ADAM12: variants seen among roughly 807,000 people sequenced by gnomAD.
The protein encoded by ADAM12 is ADAM metallopeptidase domain 12, also known as disintegrin and metalloproteinase domain-containing protein 12.
In ADAM12, 70 loss-of-function variants were observed where a neutral mutation model predicts 106.4. That is an observed-to-expected ratio of 0.66 (90% CI 0.54 to 0.80). The LOEUF is 0.80. Among genes scored for constraint, ADAM12 ranks in the 30% least tolerant of loss-of-function variants. The pLI, the probability that ADAM12 is intolerant of heterozygous loss-of-function variation, is 0.00. For missense variants in ADAM12, 1,010 were observed against 1,171.9 expected (o/e 0.86, Z 2.02); for synonymous variants, 420 against 433.5 (o/e 0.97, Z 0.39).
chr10:126,311,872 T>C (rs1453400301), intron 2 of ADAM12, among the ~76,000 whole-genome samples: 1 of 152,054 alleles, frequency 6.6e-6, no homozygotes, highest in Admixed American at 6.5e-5. Flanking sequence ...CAAGACTAAG[T>C]AAATAAGTGA....
intron 1 of ADAM12, among the ~76,000 whole-genome samples, chr10:126,374,077 A>G (rs1202752494): frequency 6.6e-6 from 1 of 152,236 alleles, no homozygotes; most frequent in African/African-American, 2.4e-5. Context: ...AGATCTGGTG[A>G]GGGTTAGGGA....
At position 126,032,884 on chromosome 10, in the gene ADAM12, T is replaced by G. The variant is rs139500654; in HGVS notation, c.2529+3262A>C. On this transcript the variant is annotated intron_variant, in intron 21 of 22. Coordinates refer to ENST00000448723, the MANE Select transcript of ADAM12 (RefSeq NM_001288973.2). ...GAAATTATATATGGACTTTCACTAA[T>G]AATGAAATGGGAGTGGACTTTGCAA... 1.9e-3 allele frequency among the ~76,000 whole-genome samples: 291 copies of G among 152,254 alleles called. 1 individual carries two copies. The highest frequency in any genetic ancestry group is 6.8e-3 in the Middle Eastern group (2 of 294).
intron 3 of ADAM12, among the ~76,000 whole-genome samples, chr10:126,217,059 A>G (rs1958000541): frequency 6.6e-6 from 1 of 152,236 alleles, no homozygotes; most frequent in South Asian, 2.1e-4. Context: ...GTCAGCAAAC[A>G]AATCCTGGTA....
At chr10:126,162,395 G>A (rs1451617222) in intron 3 of ADAM12, among the ~76,000 whole-genome samples, 1 of 152,206 alleles carries the variant, frequency 6.6e-6, no homozygotes, top group East Asian at 1.9e-4. Context: ...AACGCGCAGA[G>A]GGGAGGGGAA....
intron 11 of ADAM12, among the ~76,000 whole-genome samples, chr10:126,082,893 AC>A (rs1365216018): frequency 6.6e-6 from 1 of 152,184 alleles, no homozygotes; most frequent in East Asian, 1.9e-4. Context: ...CAAGCTGCTG[AC>A]CAAAAATTCT....
chr10:126,116,464 G>A (rs1955984978), intron 6 of ADAM12, among the ~76,000 whole-genome samples: 1 of 152,060 alleles, frequency 6.6e-6, no homozygotes, highest in African/African-American at 2.4e-5. Flanking sequence ...ACTAAGACAG[G>A]TTGCGGGGAG....
At chr10:126,157,251 G>A (rs1956836502) in intron 3 of ADAM12, among the ~76,000 whole-genome samples, 1 of 152,240 alleles carries the variant, frequency 6.6e-6, no homozygotes, top group Non-Finnish European at 1.5e-5. Context: ...CTCAGGCAGG[G>A]ACAAAAGGCA....
rs113958644 is a variant in ADAM12, at chr10:126,245,131, C to T, written c.260+33784G>A. Among the ~76,000 whole-genome samples the T allele has an allele frequency of 6.2e-3, 943 of 152,314 alleles. 13 individuals carry two copies. The highest frequency in any genetic ancestry group is 9.2e-3 in the Non-Finnish European group (625 of 68,028). ...CACCAGGACATCCCCTCGCCAGCCTCGGGGAACCCTCAAGGGAGAGTGAGC... is the reference window on the plus strand; with the variant it reads ...CACCAGGACATCCCCTCGCCAGCCTTGGGGAACCCTCAAGGGAGAGTGAGC... On this transcript the variant is annotated intron_variant, in intron 3 of 22. Coordinates refer to ENST00000448723, the MANE Select transcript of ADAM12 (RefSeq NM_001288973.2).
Position 126,258,410 on chromosome 10 carries a change from C to T in ADAM12, c.260+20505G>A, listed in dbSNP as rs1000890548. On this transcript the variant is annotated intron_variant, in intron 3 of 22. Transcript: ENST00000448723. ...CCGTGCCCCACACGCCCCACCCGTG[C>T]CCCACACGCCCCACCAGTGTAATGG... 6.2e-4 allele frequency among the ~76,000 whole-genome samples: 79 copies of T among 126,622 alleles called. 1 individual carries two copies. Among genetic ancestry groups the T allele is most frequent in the Non-Finnish European group, 3.2e-4 (18 of 56,450 alleles). 83.1% of individuals were successfully genotyped at this position (126,622 alleles called of 152,430 possible). A position where few individuals can be genotyped will look rare whatever the true frequency, so the allele number is the denominator to read the frequency against.
intron 3 of ADAM12, among the ~76,000 whole-genome samples, chr10:126,227,137 CATT>C (rs1022134726): frequency 1.3e-5 from 2 of 152,118 alleles, no homozygotes; most frequent in Non-Finnish European, 2.9e-5. Context: ...CCATCACCAT[CATT>C]ATCACCATTG....
intron 3 of ADAM12, among the ~76,000 whole-genome samples, chr10:126,267,369 T>A (rs1036393555): frequency 1.3e-5 from 2 of 152,168 alleles, no homozygotes; most frequent in South Asian, 2.1e-4. Flanking sequence ...TGTACTTTAT[T>A]TCTATTATTA....
chr10:126,109,819 C>A lies in ADAM12; in HGVS notation c.625G>T (p.Ala209Ser). The change falls in exon 7 of 23, where the codon GCA (alanine) becomes TCA (serine). Residue 209 changes from alanine (A) to serine (S), a missense_variant. Coordinates refer to ENST00000448723, the MANE Select transcript of ADAM12 (RefSeq NM_001288973.2). ...ATCACCAGCTCCACATACTTAGTTG[C>A]CTTGAGGGTCTCTCTTTTATGCTGC... ...ARRHKRETLK[A>S]TKYVELVIVA... is the part of the protein sequence containing the mutation. 1 of 1,612,840 alleles carries A rather than the reference C, an allele frequency of 6.2e-7. No homozygotes were observed. The highest frequency in any genetic ancestry group is 1.1e-5 in the South Asian group (1 of 90,940).
rs115807221 is a variant in ADAM12 at position 126,153,335 on chromosome 10, T to A, written c.339+1892A>T. Among the ~76,000 whole-genome samples, 906 of 152,326 alleles carry A rather than the reference T, an allele frequency of 5.9e-3. 8 individuals carry two copies. The highest frequency in any genetic ancestry group is 0.021 in the African/African-American group (862 of 41,556). On this transcript the variant is annotated intron_variant, in intron 4 of 22. Transcript: ENST00000448723. ...TGCCTCAAGTGGTTTTAAGAGTTCA[T>A]CCTTGGTGTTCTGCATTTTCATCAG... is the stretch of plus-strand genomic sequence containing the variant.
chr10:126,156,890 T>C (rs2133727771), intron 3 of ADAM12, among the ~76,000 whole-genome samples: 1 of 152,288 alleles, frequency 6.6e-6, no homozygotes, highest in Non-Finnish European at 1.5e-5. Flanking sequence ...GAACCTGGGT[T>C]TTCTGTGTCT....
chr10:126,224,468 A>G (rs1958153728), intron 3 of ADAM12, among the ~76,000 whole-genome samples: 1 of 151,664 alleles, frequency 6.6e-6, no homozygotes, highest in South Asian at 2.1e-4. Flanking sequence ...CAGGAGAGGG[A>G]GAAACAAGCA....
At chr10:126,255,345 C>G (rs1020424127) in intron 3 of ADAM12, among the ~76,000 whole-genome samples, 19 of 152,126 alleles carry the variant, frequency 1.2e-4, no homozygotes, top group African/African-American at 4.6e-4. Context: ...CAAAAAGAAG[C>G]CTCAGGTGTG....
At chr10:126,360,376 C>G (rs895808046) in intron 1 of ADAM12, among the ~76,000 whole-genome samples, 44 of 152,160 alleles carry the variant, frequency 2.9e-4, no homozygotes, top group Non-Finnish European at 1.0e-4. Flanking sequence ...AACTTTTATG[C>G]TCTACTTCCC....
In ADAM12 at chr10:126,375,261, A is replaced by AAAAG. The variant is rs200148877; in HGVS notation, c.88+12793_88+12796dup. 5.3e-5 allele frequency among the ~76,000 whole-genome samples: 8 copies of AAAAG among 152,020 alleles called. No individual in the cohort carries two copies. The South Asian group carries it at 6.2e-4, about 12-fold the overall frequency. Reference sequence around the variant, plus strand: ...GCAAGAAGCCATGGTTAAAAAAAAAAAAAGAAAGAAAGAAAGAAAAAGAAA... The same window carrying AAAAG: ...GCAAGAAGCCATGGTTAAAAAAAAAAAAAGAAAGAAAGAAAGAAAGAAAAAGAAA... On this transcript the variant is annotated intron_variant, in intron 1 of 22. Coordinates refer to ENST00000448723, the MANE Select transcript of ADAM12 (RefSeq NM_001288973.2).
chr10:126,295,904 C>T (rs561248208), intron 2 of ADAM12, among the ~76,000 whole-genome samples: 12 of 106,706 alleles, frequency 1.1e-4, no homozygotes, highest in Non-Finnish European at 2.3e-4. Context: ...CAGACACACA[C>T]ACACAAACAC....
Sources: gnomAD v4.1 joint callset for allele counts (sites outside exome capture counted in the v4.1 genomes callset) on GRCh38, gnomAD v4.1.1 for gene constraint, MANE v1.5 for transcripts, NCBI Gene and HGNC (gene_info 2026-07-23, HGNC 2026-07-21) for gene names.